UNC13C: variants seen among roughly 807,000 people sequenced by gnomAD.
UNC13C encodes unc-13 homolog C, also known as protein unc-13 homolog C.
In UNC13C, 174 loss-of-function variants were observed where a neutral mutation model predicts 245.4. The observed-to-expected ratio is 0.71, with a 90% CI of 0.63 to 0.80. The LOEUF (loss-of-function observed/expected upper bound fraction) is 0.80, where lower values mean the gene tolerates loss of function less well. Among genes scored for constraint, UNC13C ranks in the 30% least tolerant of loss-of-function variants. The pLI, the probability that UNC13C is intolerant of heterozygous loss-of-function variation, is 0.00. For synonymous variants in UNC13C, 992 were observed against 895.1 expected, an observed-to-expected ratio of 1.11 and a Z score of -1.93; for missense variants, 2,829 against 2,602.9, an observed-to-expected ratio of 1.09 and a Z score of -1.89.
chr15:54,020,161 C>A (rs1266475500), intron 2 of UNC13C, among the ~76,000 whole-genome samples: 1 of 152,062 alleles, frequency 6.6e-6, no homozygotes, highest in Non-Finnish European at 1.5e-5. Context: ...AAGAGCACTA[C>A]TAAAAGCTAT....
intron 4 of UNC13C, among the ~76,000 whole-genome samples, chr15:54,224,328 C>T (rs1262372182): frequency 6.6e-6 from 1 of 151,880 alleles, no homozygotes; most frequent in Non-Finnish European, 1.5e-5. Context: ...AATTTGAAGG[C>T]TTTTATAGTG....
At chr15:54,270,884 A>C (rs943307929) in intron 10 of UNC13C, among the ~76,000 whole-genome samples, 1 of 152,050 alleles carries the variant, frequency 6.6e-6, no homozygotes, top group African/African-American at 2.4e-5. Context: ...TTCCCCCTAC[A>C]TCCAAACTCT....
chr15:54,226,433 G>A (rs1482580838), intron 4 of UNC13C, among the ~76,000 whole-genome samples: 1 of 152,146 alleles, frequency 6.6e-6, no homozygotes. Context: ...ATCTGATCCT[G>A]GGCTTTTATT....
At chr15:54,276,937 AT>A (rs1395147651) in intron 10 of UNC13C, among the ~76,000 whole-genome samples, 1 of 152,120 alleles carries the variant, frequency 6.6e-6, no homozygotes, top group African/African-American at 2.4e-5. Context: ...ATGTTTAATA[AT>A]TATTTTCAAA....
At chr15:54,159,962 C>A (rs1190318473) in intron 4 of UNC13C, among the ~76,000 whole-genome samples, 3 of 151,950 alleles carry the variant, frequency 2.0e-5, no homozygotes, top group Non-Finnish European at 4.4e-5. Flanking sequence ...CTTCCTTGGG[C>A]AAAACATCAA....
rs1471853972 is a variant in UNC13C at position 54,084,810 on chromosome 15, C to T, written c.2984-58208C>T. Among the ~76,000 whole-genome samples, 2 of 152,068 alleles carry T rather than the reference C, an allele frequency of 1.3e-5. 1 individual carries two copies. The highest frequency in any genetic ancestry group is 4.1e-4 in the South Asian group (2 of 4,826). On this transcript the variant is annotated intron_variant, in intron 2 of 32. Transcript: ENST00000260323. ...TTCTCATATAGATGAGATCCTAATG[C>T]CATTTGGTCACTCTTTTTTGTCACT...
intron 1 of UNC13C, among the ~76,000 whole-genome samples, chr15:53,985,649 G>T (rs140402768): frequency 6.6e-6 from 1 of 152,058 alleles, no homozygotes; most frequent in East Asian, 1.9e-4. Flanking sequence ...CACAACCACT[G>T]AAAGGCAGAA....
the UNC13C span, among the ~76,000 whole-genome samples, chr15:53,865,735 A>C: frequency 6.6e-6 from 1 of 152,280 alleles, no homozygotes; most frequent in East Asian, 1.9e-4. Flanking sequence ...AATCTATTTA[A>C]AATCATACAC....
At chr15:53,898,874 G>A in the UNC13C span, among the ~76,000 whole-genome samples, 1 of 152,042 alleles carries the variant, frequency 6.6e-6, no homozygotes, top group Non-Finnish European at 1.5e-5. Flanking sequence ...TCGCTATGCT[G>A]TACATTAGAG....
intron 4 of UNC13C, among the ~76,000 whole-genome samples, chr15:54,190,547 A>T (rs886504498): frequency 6.6e-6 from 1 of 152,150 alleles, no homozygotes; most frequent in South Asian, 2.1e-4. Flanking sequence ...TCAGTTTTTA[A>T]CATAACATAT....
At position 54,015,479 on chromosome 15, in the gene UNC13C, A is replaced by AT. The variant is rs1895607930; in HGVS notation, c.2577dup (p.Lys860Ter). ...GATGTCTACACGGAGCCCTATTACTATAAAGCAGAGGATGAGGAAGATTAT... is the reference window on the plus strand; with the variant it reads ...GATGTCTACACGGAGCCCTATTACTATTAAAGCAGAGGATGAGGAAGATTAT... On this transcript the variant is annotated frameshift_variant, in exon 2 of 33. Transcript: ENST00000260323. LOFTEE classifies it high-confidence loss of function. The AT allele has an allele frequency of 6.2e-7, 1 of 1,613,044 alleles. No individual in the cohort carries two copies. The highest frequency in any genetic ancestry group is 1.3e-5 in the African/African-American group (1 of 74,908).
intron 31 of UNC13C, 87 bp from the exon 32 acceptor site, chr15:54,623,708 A>C: frequency 8.1e-7 from 1 of 1,232,990 alleles, no homozygotes. Context: ...ACTATTATTA[A>C]GTTTTGGCTT....
rs115234169 is a variant in UNC13C at position 54,532,843 on chromosome 15, C to A, written c.5547-74C>A. 3,531 of 1,015,574 alleles carry A rather than the reference C, an allele frequency of 3.5e-3. 92 individuals carry two copies. The African/African-American group carries it at 0.053, about 15-fold the overall frequency. 62.9% of individuals were successfully genotyped at this position (1,015,574 alleles called of 1,614,324 possible). A position where few individuals can be genotyped will look rare whatever the true frequency, so the allele number is the denominator to read the frequency against. ...CACACCAGTTGAAACAGATCAAAAT[C>A]CTCAGGGTGAAATTGGAACAGGCTC... On this transcript the variant is annotated intron_variant, in intron 25 of 32. Coordinates refer to ENST00000260323, the MANE Select transcript of UNC13C (RefSeq NM_001080534.3).
At chr15:54,077,461 C>G (rs573673631) in intron 2 of UNC13C, among the ~76,000 whole-genome samples, 2 of 135,602 alleles carry the variant, frequency 1.5e-5, no homozygotes, top group Non-Finnish European at 3.1e-5. Flanking sequence ...TTACTGCAAC[C>G]TCTGCCTCCC....
chr15:54,613,057 T>C (rs1005734114), intron 30 of UNC13C, among the ~76,000 whole-genome samples: 11 of 152,016 alleles, frequency 7.2e-5, no homozygotes, highest in East Asian at 1.9e-4. Flanking sequence ...AAGAGACTTC[T>C]AAACAATTTT....
At chr15:53,926,042 G>A in the UNC13C span, among the ~76,000 whole-genome samples, 3 of 152,066 alleles carry the variant, frequency 2.0e-5, no homozygotes, top group Non-Finnish European at 4.4e-5. Flanking sequence ...AAGCATATTT[G>A]TAAGTAATGA....
At chr15:54,484,151 C>G (rs535820760) in intron 19 of UNC13C, among the ~76,000 whole-genome samples, 1 of 152,020 alleles carries the variant, frequency 6.6e-6, no homozygotes, top group East Asian at 1.9e-4. Context: ...GCATTCATAC[C>G]TGGCAAGCAA....
the UNC13C span, among the ~76,000 whole-genome samples, chr15:53,971,808 C>T: frequency 2.0e-5 from 3 of 152,160 alleles, no homozygotes; most frequent in African/African-American, 7.2e-5. Context: ...ATCTCTTCCT[C>T]TAGCACCTAT....
chr15:54,127,703 G>A (rs559404115), intron 2 of UNC13C, among the ~76,000 whole-genome samples: 1 of 146,678 alleles, frequency 6.8e-6, no homozygotes, highest in East Asian at 2.0e-4. Flanking sequence ...CTTCAAGTGT[G>A]TGTGTGTGTA....
Sources: allele counts gnomAD v4.1 joint callset (sites outside exome capture counted in the v4.1 genomes callset), GRCh38; gene constraint gnomAD v4.1.1; transcripts MANE v1.5; gene names NCBI Gene and HGNC (gene_info 2026-07-23, HGNC 2026-07-21).